Variants in GFPT1 observed in about 807,000 individuals in gnomAD.
GFPT1 encodes glutamine--fructose-6-phosphate aminotransferase [isomerizing] 1.
In GFPT1, 40 loss-of-function variants were observed where a neutral mutation model predicts 92.0. The observed-to-expected ratio is 0.43, with a 90% CI of 0.34 to 0.57. GFPT1 has a LOEUF of 0.57. Among genes scored for constraint, GFPT1 ranks in the 20% least tolerant of loss-of-function variants. The pLI, the probability that GFPT1 is intolerant of heterozygous loss-of-function variation, is 0.02. For synonymous variants in GFPT1, 269 were observed against 280.6 expected, an observed-to-expected ratio of 0.96 and a Z score of 0.41; for missense variants, 448 against 869.1, an observed-to-expected ratio of 0.52 and a Z score of 6.09.
chr2:69,334,942 C>T (rs1670756165), intron 15 of GFPT1, among the ~76,000 whole-genome samples: 1 of 152,086 alleles, frequency 6.6e-6, no homozygotes, highest in Admixed American at 6.5e-5. Flanking sequence ...TAAAACTGTA[C>T]ACTTAAAATT....
At chr2:69,333,633 G>A (rs1248601650) in intron 15 of GFPT1, among the ~76,000 whole-genome samples, 1 of 152,114 alleles carries the variant, frequency 6.6e-6, no homozygotes, top group African/African-American at 2.4e-5. Flanking sequence ...ACAAAAGTCA[G>A]CACTGTGGTG....
At chr2:69,327,959 C>T (rs565618244) in intron 18 of GFPT1, among the ~76,000 whole-genome samples, 3 of 151,992 alleles carry the variant, frequency 2.0e-5, no homozygotes, top group Non-Finnish European at 2.9e-5. Flanking sequence ...ATTAGCCAGG[C>T]GTGGTGGAGT....
rs1670424528 is a variant in GFPT1 at position 69,322,491 on chromosome 2, G to T, written c.*3698C>A. On this transcript the variant is annotated 3_prime_UTR_variant, in exon 20 of 20. Transcript: ENST00000357308. ...TGAAGAATAATAGAAATAAATGTCA[G>T]AGGAGTATTACTAAGGAGCCAAAAC... is the stretch of plus-strand genomic sequence containing the variant. The T allele has an allele frequency of 6.6e-6, 1 of 151,882 alleles. No homozygotes were observed. Among genetic ancestry groups the T allele is most frequent in the Non-Finnish European group, 1.5e-5 (1 of 67,974 alleles). 9.4% of individuals were successfully genotyped at this position (151,882 alleles called of 1,614,324 possible).
Position 69,325,027 on chromosome 2 carries a change from T to C in GFPT1, c.*1162A>G, listed in dbSNP as rs533395665. The C allele has an allele frequency of 3.0e-4, 45 of 152,176 alleles. No individual in the cohort carries two copies. Among genetic ancestry groups the C allele is most frequent in the African/African-American group, 1.0e-3 (43 of 41,532 alleles). 9.4% of individuals were successfully genotyped at this position (152,176 alleles called of 1,614,324 possible). A position where few individuals can be genotyped will look rare whatever the true frequency, so the allele number is the denominator to read the frequency against. ...CACAGAAAATACAGAAGAGGAAAAA[T>C]ACTTAGGATACAATACTAAATTTGG... On this transcript the variant is annotated 3_prime_UTR_variant, in exon 20 of 20. Coordinates refer to ENST00000357308, the MANE Select transcript of GFPT1 (RefSeq NM_001244710.2).
chr2:69,363,857 G>A (rs543839960), intron 3 of GFPT1, among the ~76,000 whole-genome samples, 187 bp from the exon 4 acceptor site: 3 of 152,262 alleles, frequency 2.0e-5, no homozygotes, highest in South Asian at 2.1e-4. Flanking sequence ...GCTCACGCCC[G>A]TAATCCCAGC....
intron 7 of GFPT1, among the ~76,000 whole-genome samples, chr2:69,355,109 G>A (rs1177592343): frequency 6.6e-6 from 1 of 152,108 alleles, no homozygotes; most frequent in East Asian, 1.9e-4. Context: ...CAACAGCCTT[G>A]CTCTGTCTCC....
chr2:69,356,741 A>ATTT (rs67434964), intron 6 of GFPT1, among the ~76,000 whole-genome samples, 184 bp from the exon 7 acceptor site: 1 of 143,388 alleles, frequency 7.0e-6, no homozygotes, highest in African/African-American at 2.6e-5. Context: ...CAAGACCCAC[A>ATTT]TTTTTTTTTT....
intron 9 of GFPT1, among the ~76,000 whole-genome samples, chr2:69,353,515 G>A (rs1671261326): frequency 1.3e-5 from 2 of 151,784 alleles, no homozygotes; most frequent in Non-Finnish European, 2.9e-5. Context: ...GCCTGGCTGA[G>A]AGAGCAAAAC....
chr2:69,356,173 T>G (rs1671333355), intron 7 of GFPT1, among the ~76,000 whole-genome samples: 1 of 152,006 alleles, frequency 6.6e-6, no homozygotes, highest in African/African-American at 2.4e-5. Context: ...TTTCTATATT[T>G]AGTAGAGACG....
chr2:69,329,897 T>C, intron 15 of GFPT1, 99 bp from the exon 16 acceptor site: 1 of 758,420 alleles, frequency 1.3e-6, no homozygotes, highest in East Asian at 2.6e-5. Context: ...TCCCATTGGT[T>C]TTACAGTATA....
In GFPT1 at chr2:69,324,864, G is replaced by T. The variant is rs1479777793; in HGVS notation, c.*1325C>A. 6.6e-6 allele frequency: 1 copy of T among 152,116 alleles called. No individual in the cohort carries two copies. Among genetic ancestry groups the T allele is most frequent in the African/African-American group, 2.4e-5 (1 of 41,424 alleles). The allele number at this position is 152,116 out of a possible 1,614,324, so 9.4% of individuals were successfully genotyped here. ...GAAATTATTACTCACAATTTTGGGG[G>T]TATCAAATAATAACATTCTACTTTA... On this transcript the variant is annotated 3_prime_UTR_variant, in exon 20 of 20. Transcript: ENST00000357308.
At chr2:69,360,074 T>C (rs1330714377) in intron 4 of GFPT1, among the ~76,000 whole-genome samples, 4 of 152,132 alleles carry the variant, frequency 2.6e-5, no homozygotes, top group African/African-American at 9.7e-5. Context: ...ATGCCTGTAA[T>C]CCCAGCACTT....
chr2:69,357,272 A>C (rs1231345562), intron 6 of GFPT1, among the ~76,000 whole-genome samples: 1 of 152,178 alleles, frequency 6.6e-6, no homozygotes, highest in Non-Finnish European at 1.5e-5. Context: ...TAGTAATTGT[A>C]CACCACTGTT....
At chr2:69,361,664 G>A (rs749128754) in intron 4 of GFPT1, among the ~76,000 whole-genome samples, 2 of 152,038 alleles carry the variant, frequency 1.3e-5, no homozygotes, top group Non-Finnish European at 2.9e-5. Context: ...AGCCTAAATA[G>A]GCAGCTTCTG....
At chr2:69,374,428 C>T (rs759957850) in intron 1 of GFPT1, among the ~76,000 whole-genome samples, 4 of 151,980 alleles carry the variant, frequency 2.6e-5, no homozygotes, top group Admixed American at 2.0e-4. Flanking sequence ...ATTCTCCTGC[C>T]TCAGCCTCCC....
intron 18 of GFPT1, among the ~76,000 whole-genome samples, chr2:69,327,863 G>A (rs1670568234): frequency 6.6e-6 from 1 of 152,020 alleles, no homozygotes; most frequent in Non-Finnish European, 1.5e-5. Flanking sequence ...AGAACTTTGG[G>A]GGGTTGAGGC....
At position 69,344,663 on chromosome 2, in the gene GFPT1, T is replaced by A. The variant is rs78886999; in HGVS notation, c.1105+1241A>T. ...ATATAAGTACTCTTTTTTATTTTTT[T>A]TTTTTGAGACAGGTCTTTCAACCAG... On this transcript the variant is annotated intron_variant, in intron 12 of 19. Coordinates refer to ENST00000357308, the MANE Select transcript of GFPT1 (RefSeq NM_001244710.2). Among the ~76,000 whole-genome samples, 1,171 of 152,108 alleles carry A rather than the reference T, an allele frequency of 7.7e-3. 14 individuals are homozygous for A. Among genetic ancestry groups the A allele is most frequent in the African/African-American group, 0.023 (968 of 41,500 alleles).
At chr2:69,330,247 G>A (rs1033580387) in intron 15 of GFPT1, among the ~76,000 whole-genome samples, 2 of 152,074 alleles carry the variant, frequency 1.3e-5, no homozygotes, top group African/African-American at 4.8e-5. Context: ...AACTGAACCA[G>A]TACTTGGGAA....
intron 7 of GFPT1, 143 bp downstream of exon 7, chr2:69,356,353 G>A (rs949469436): frequency 2.7e-6 from 2 of 729,872 alleles, no homozygotes; most frequent in Non-Finnish European, 5.0e-6. Flanking sequence ...CAGACAAGAA[G>A]GAAGATGTGA....
Sources: gnomAD v4.1 joint callset for allele counts (sites outside exome capture counted in the v4.1 genomes callset) on GRCh38, gnomAD v4.1.1 for gene constraint, MANE v1.5 for transcripts, NCBI Gene and HGNC (gene_info 2026-07-23, HGNC 2026-07-21) for gene names.